The following ZNF706 variants were observed in gnomAD, a reference collection of about 807,000 sequenced individuals.
ZNF706 encodes transcriptional regulator ZNF706.
In ZNF706, 4 loss-of-function variants were observed where a neutral mutation model predicts 9.2. The ratio of observed to expected loss-of-function variants is 0.43; its 90% confidence interval spans 0.21 to 0.99. The LOEUF (loss-of-function observed/expected upper bound fraction) is 0.99. Ranked by LOEUF, ZNF706 falls within the 50% of genes least tolerant of loss-of-function variation. The pLI is 0.26. For synonymous variants in ZNF706, 28 were observed against 27.3 expected, an observed-to-expected ratio of 1.03 and a Z score of -0.08; for missense variants, 27 against 87.8, an observed-to-expected ratio of 0.31 and a Z score of 2.77.
chr8:101,203,871 T>A (rs562343852), intron 1 of ZNF706: 1 of 152,310 alleles, frequency 6.6e-6, no homozygotes, highest in Non-Finnish European at 1.5e-5. Context: ...TTAAGTCCGA[T>A]GTTACCGCAA....
chr8:101,199,103 C>A lies in ZNF706; in HGVS notation c.*149G>T. 1.7e-6 allele frequency: 1 copy of A among 595,708 alleles called. No individual in the cohort carries two copies. The highest frequency in any genetic ancestry group is 3.0e-6 in the Non-Finnish European group (1 of 330,778). The allele number at this position is 595,708 out of a possible 1,614,324, so 36.9% of individuals were successfully genotyped here. A position where few individuals can be genotyped will look rare whatever the true frequency, so the allele number is the denominator to read the frequency against. ...CACAGAATTGTCTTTGCATGAAGCC[C>A]AAGAGGGAACAGCATAAAAATGAGT... is the stretch of plus-strand genomic sequence containing the variant. On this transcript the variant is annotated 3_prime_UTR_variant, in exon 4 of 4. Coordinates refer to ENST00000311212, the MANE Select transcript of ZNF706 (RefSeq NM_016096.5).
In ZNF706 at chr8:101,198,557, T is replaced by C. The variant is rs1387768940; in HGVS notation, c.*695A>G. 3 of 152,204 alleles carry C rather than the reference T, an allele frequency of 2.0e-5. No individual in the cohort carries two copies. Among genetic ancestry groups the C allele is most frequent in the Admixed American group, 6.5e-5 (1 of 15,278 alleles). 9.4% of individuals were successfully genotyped at this position (152,204 alleles called of 1,614,324 possible). A position where few individuals can be genotyped will look rare whatever the true frequency, so the allele number is the denominator to read the frequency against. On this transcript the variant is annotated 3_prime_UTR_variant, in exon 4 of 4. Transcript: ENST00000311212. ...AACCTAACCTTTCACAAGGGCTCAC[T>C]GACAATCCAACCGCTTTTAGGAAGC...
At chr8:101,203,218 TTTAAA>T (rs1302982468) in intron 1 of ZNF706, 2 of 152,224 alleles carry the variant, frequency 1.3e-5, no homozygotes, top group African/African-American at 4.8e-5. Context: ...TACTTTTCCA[TTTAAA>T]TTAAAGGCTT....
intron 1 of ZNF706, chr8:101,204,892 T>C (rs1810696270): frequency 3.0e-6 from 3 of 985,780 alleles, no homozygotes; most frequent in Non-Finnish European, 3.6e-6. Flanking sequence ...CTCCACATCC[T>C]GACCCTAGCT....
At position 101,199,905 on chromosome 8, in the gene ZNF706, A is replaced by C. The variant is rs964109590; in HGVS notation, c.*12+85T>G. On this transcript the variant is annotated intron_variant, in intron 3 of 3. Transcript: ENST00000311212. ...AAGCAATAAAATCTCAGAAGGCAGA[A>C]ATTAATTTCACAATAAGTGAAGACA... is the stretch of plus-strand genomic sequence containing the variant. 1.7e-5 allele frequency: 15 copies of C among 903,064 alleles called. No individual in the cohort carries two copies. The South Asian group carries it at 2.4e-4, about 14-fold the overall frequency. 55.9% of individuals were successfully genotyped at this position (903,064 alleles called of 1,614,324 possible). A position where few individuals can be genotyped will look rare whatever the true frequency, so the allele number is the denominator to read the frequency against.
In ZNF706 at chr8:101,205,591, CG is replaced by C. The variant is rs1810738152; in HGVS notation, c.-160del. 6.6e-6 allele frequency: 1 copy of C among 151,926 alleles called. No individual in the cohort carries two copies. The highest frequency in any genetic ancestry group is 1.8e-4 in the South Asian group (1 of 5,574). 9.4% of individuals were successfully genotyped at this position (151,926 alleles called of 1,614,324 possible). On this transcript the variant is annotated 5_prime_UTR_variant, in exon 1 of 4. Transcript: ENST00000311212. The surrounding 1 kb of genome is among the most constrained non-coding windows in gnomAD (Gnocchi z 6.6). Reference sequence around the variant, plus strand: ...ACGAGAGCCGGGAGCACAACAGCCTCGCACGCCCGCCGCCGCCGCGCGCCCG... The same window carrying C: ...ACGAGAGCCGGGAGCACAACAGCCTCCACGCCCGCCGCCGCCGCGCGCCCG...
At chr8:101,206,012 G>A (rs1170643466), upstream of ZNF706, 3 of 152,258 alleles carry the variant, frequency 2.0e-5, no homozygotes, top group South Asian at 2.1e-4. Context: ...TCATCCACTC[G>A]GGCGGCGGCC....
chr8:101,199,669 T>C (rs1810489643), intron 3 of ZNF706, among the ~76,000 whole-genome samples: 2 of 152,196 alleles, frequency 1.3e-5, no homozygotes, highest in Admixed American at 1.3e-4. Flanking sequence ...TTGGTGTACA[T>C]TGTTTTTAGA....
At chr8:101,202,168 C>T (rs1383638354) in intron 1 of ZNF706, among the ~76,000 whole-genome samples, 3 of 150,744 alleles carry the variant, frequency 2.0e-5, no homozygotes, top group Non-Finnish European at 2.9e-5. Context: ...TGGCCAGGCG[C>T]GGTGGCTCAC....
At chr8:101,203,380 C>A (rs1170073093) in intron 1 of ZNF706, 1 of 152,018 alleles carries the variant, frequency 6.6e-6, no homozygotes, top group Non-Finnish European at 1.5e-5. Context: ...CATTGCAGGA[C>A]AGGAACATAC....
chr8:101,204,690 G>C, intron 1 of ZNF706: 3 of 985,446 alleles, frequency 3.0e-6, no homozygotes, highest in Non-Finnish European at 3.6e-6. Context: ...GTTTTCCGAG[G>C]GGGCTGCAAA....
chr8:101,202,000 ATG>A lies in ZNF706; in HGVS notation c.-2-259_-2-258del, dbSNP rs756699916. ...TGGTATATACCCAATAGAAATGCAA[ATG>A]TTATGTACACCAAGACATGTACAAA... On this transcript the variant is annotated intron_variant, in intron 1 of 3. Transcript: ENST00000311212. The surrounding 1 kb of genome is among the most constrained non-coding windows in gnomAD (Gnocchi z 4.5). 1.3e-5 allele frequency among the ~76,000 whole-genome samples: 2 copies of A among 152,208 alleles called. No homozygotes were observed. Among genetic ancestry groups the A allele is most frequent in the Non-Finnish European group, 2.9e-5 (2 of 68,030 alleles).
At chr8:101,204,806 CAGAAGAAAAGG>C in intron 1 of ZNF706, 3 of 985,410 alleles carry the variant, frequency 3.0e-6, no homozygotes, top group Non-Finnish European at 3.6e-6. Flanking sequence ...AAATGAGTAA[CAGAAGAAAAGG>C]ATTTTGGGTC....
Position 101,201,557 on chromosome 8 carries a change from G to T in ZNF706, c.135+50C>A. 1 of 1,571,942 alleles carries T rather than the reference G, an allele frequency of 6.4e-7. No homozygotes were observed. Among genetic ancestry groups the T allele is most frequent in the Non-Finnish European group, 8.6e-7 (1 of 1,158,712 alleles). ...GGTTTCAAAATTTTAATCTATTCAA[G>T]CCAAAACTGCCCACGGGAGAGCTGT... On this transcript the variant is annotated intron_variant, in intron 2 of 3. Transcript: ENST00000311212. The surrounding 1 kb of genome is among the most constrained non-coding windows in gnomAD (Gnocchi z 4.5).
At chr8:101,203,150 G>T (rs1301406158) in intron 1 of ZNF706, 1 of 151,710 alleles carries the variant, frequency 6.6e-6, no homozygotes, top group African/African-American at 2.4e-5. Flanking sequence ...ATGATCTGAC[G>T]TGAACCCAAA....
At chr8:101,203,949 G>A (rs977425303) in intron 1 of ZNF706, 1 of 152,140 alleles carries the variant, frequency 6.6e-6, no homozygotes, top group East Asian at 1.9e-4. Flanking sequence ...CAGTAGTCAC[G>A]TGATCAGCCT....
rs1391315845 is a variant in ZNF706 at position 101,201,771 on chromosome 8, TG to T, written c.-2-29del. The stretch of plus-strand genomic sequence containing the variant: ...AAAAACAGAAGGTGAAGCATTAGAG[TG>T]GCTTATTTACTCTAATACAGAGTAA... On this transcript the variant is annotated intron_variant, in intron 1 of 3. Coordinates refer to ENST00000311212, the MANE Select transcript of ZNF706 (RefSeq NM_016096.5). This position sits in a 1 kb window ranked among gnomAD's most constrained non-coding sequence, Gnocchi z 4.5. The T allele has an allele frequency of 6.2e-7, 1 of 1,612,936 alleles. No individual in the cohort carries two copies.
intron 3 of ZNF706, among the ~76,000 whole-genome samples, chr8:101,199,599 A>T (rs1810486321): frequency 4.6e-5 from 7 of 152,332 alleles, no homozygotes; most frequent in Admixed American, 3.9e-4. Context: ...TGGGGGAGAA[A>T]AAAAAGAACC....
chr8:101,204,515 C>T, intron 1 of ZNF706: 1 of 612,116 alleles, frequency 1.6e-6, no homozygotes, highest in South Asian at 7.3e-5. Context: ...ACGAACCAAC[C>T]ACCTGCTTTT....
Sources: allele counts gnomAD v4.1 joint callset (sites outside exome capture counted in the v4.1 genomes callset), GRCh38; gene constraint gnomAD v4.1.1; non-coding constraint Gnocchi (gnomAD v3.1); transcripts MANE v1.5; gene names NCBI Gene and HGNC (gene_info 2026-07-23, HGNC 2026-07-21).